RERE: variants seen among roughly 807,000 people sequenced by gnomAD.
The protein encoded by RERE is arginine-glutamic acid dipeptide repeats protein.
In RERE, 40 loss-of-function variants were observed where a neutral mutation model predicts 146.1. The ratio of observed to expected loss-of-function variants is 0.27; its 90% confidence interval spans 0.21 to 0.36. The LOEUF is 0.36. Among genes scored for constraint, RERE ranks in the 10% least tolerant of loss-of-function variants. The pLI is 1.00. For missense variants in RERE, 1,933 were observed against 2,138.7 expected, an observed-to-expected ratio of 0.90 and a Z score of 1.90; for synonymous variants, 1,003 against 866.0, an observed-to-expected ratio of 1.16 and a Z score of -2.78.
chr1:8,617,886 TTTAAAAGAAATAAAGTTTTA>T (rs1245246947), intron 3 of RERE, among the ~76,000 whole-genome samples: 1 of 152,246 alleles, frequency 6.6e-6, no homozygotes, highest in East Asian at 1.9e-4. Flanking sequence ...CTTCAAGTAT[TTTAAAAGAAATAAAGTTTTA>T]TTATTTCTAT....
At chr1:8,616,881 G>C (rs1646858027) in intron 3 of RERE, among the ~76,000 whole-genome samples, 1 of 152,164 alleles carries the variant, frequency 6.6e-6, no homozygotes, top group South Asian at 2.1e-4. Flanking sequence ...GCCTCATTTT[G>C]ATTTCCACTT....
In RERE at chr1:8,809,157, A is replaced by AAAAAAT. The variant is rs985140466; in HGVS notation, c.-145+8002_-145+8003insATTTTT. On this transcript the variant is annotated intron_variant, in intron 1 of 22. Coordinates refer to ENST00000400908, the MANE Select transcript of RERE (RefSeq NM_001042681.2). ...TGTCTTAAAAAAAAAAAAAAAAAAA[A>AAAAAAT]AAAGTACTGAGGGAGAGGTTAATGG... 1.2e-4 allele frequency among the ~76,000 whole-genome samples: 17 copies of AAAAAAT among 146,204 alleles called. 1 individual carries two copies. The highest frequency in any genetic ancestry group is 4.7e-4 in the African/African-American group (17 of 36,434).
intron 1 of RERE, among the ~76,000 whole-genome samples, chr1:8,723,553 T>C (rs1348292999): frequency 6.6e-6 from 1 of 152,174 alleles, no homozygotes; most frequent in African/African-American, 2.4e-5. Flanking sequence ...CCTAGTAAGT[T>C]TGAGTTCTAT....
chr1:8,765,927 G>C (rs1640837164), intron 1 of RERE, among the ~76,000 whole-genome samples: 1 of 151,996 alleles, frequency 6.6e-6, no homozygotes, highest in African/African-American at 2.4e-5. Flanking sequence ...ACTCCAGCCT[G>C]GCGACAGAGC....
At chr1:8,786,961 C>CT (rs1485380341) in intron 1 of RERE, 6 of 650,912 alleles carry the variant, frequency 9.2e-6, no homozygotes, top group Non-Finnish European at 1.6e-5. Context: ...AGATCGCAGT[C>CT]TAACTTTCAC....
chr1:8,368,553 CGGGAGA>C (rs1397690531), intron 12 of RERE, among the ~76,000 whole-genome samples: 1 of 148,478 alleles, frequency 6.7e-6, no homozygotes, highest in African/African-American at 2.5e-5. Context: ...GGACCAAAAA[CGGGAGA>C]GAAAAATCGA....
rs1641417410 is a variant in RERE, at chr1:8,358,775, G to A, written c.3760C>T (p.Arg1254Trp). 1 of 1,612,822 alleles carries A rather than the reference G, an allele frequency of 6.2e-7. No individual in the cohort carries two copies. The highest frequency in any genetic ancestry group is 8.5e-7 in the Non-Finnish European group (1 of 1,179,364). Residue 1254 changes from arginine to tryptophan, a missense_variant, in exon 20 of 23, where the codon CGG becomes TGG. By Grantham distance (101) the Arg-to-Trp change is moderately radical. Around this residue, in one of 11 missense-constraint regions of RERE, gnomAD observed 1,255 missense variants for 1,153.8 expected, o/e 1.09. Transcript: ENST00000400908. ...GGCCGGGCGTACTCGCTCAGAGTCC[G>A]AAGGGCAGGTGTGTCGGGCCCGATG... is the stretch of plus-strand genomic sequence containing the variant. ...PYIGPDTPAL[R>W]TLSEYARPHV...
chr1:8,777,075 A>G (rs1269970291), intron 1 of RERE, among the ~76,000 whole-genome samples: 1 of 152,224 alleles, frequency 6.6e-6, no homozygotes, highest in Non-Finnish European at 1.5e-5. Flanking sequence ...ACAGTATCAA[A>G]GTCAAAAATT....
Position 8,360,373 on chromosome 1 carries a change from G to T in RERE, c.3134C>A (p.Pro1045His). 2.1e-6 allele frequency: 3 copies of T among 1,457,742 alleles called. No individual in the cohort carries two copies. The highest frequency in any genetic ancestry group is 1.5e-5 in the African/African-American group (1 of 68,664). 90.3% of individuals were successfully genotyped at this position (1,457,742 alleles called of 1,614,324 possible). Residue 1045 changes from proline (P) to histidine (H), a missense_variant, in exon 18 of 23, where the codon CCT (proline) becomes CAT (histidine). This residue lies in a region of RERE where 1,255 missense variants were observed against 1,153.8 expected (regional missense o/e 1.09). Transcript: ENST00000400908. ...GGGGCAGGTCGGAGGGGTGATGGGA[G>T]GAGGGCCTCCAGGGACAAAGGGGTG... ...AQHPFVPGGP[P>H]PITPPTCPST...
chr1:8,701,368 C>G (rs1352820257), intron 1 of RERE, among the ~76,000 whole-genome samples: 2 of 151,484 alleles, frequency 1.3e-5, no homozygotes, highest in Non-Finnish European at 2.9e-5. Flanking sequence ...CAAAAATAAT[C>G]ACAACCATGT....
chr1:8,673,431 G>C (rs1278196029), intron 1 of RERE, among the ~76,000 whole-genome samples: 2 of 152,060 alleles, frequency 1.3e-5, no homozygotes, highest in African/African-American at 4.8e-5. Flanking sequence ...TCTCAAGGAT[G>C]ATATAATGAC....
chr1:8,660,560 T>A (rs1048787056), intron 1 of RERE, among the ~76,000 whole-genome samples: 4 of 152,198 alleles, frequency 2.6e-5, no homozygotes, highest in Non-Finnish European at 4.4e-5. Flanking sequence ...GGGCACGAAG[T>A]AGGATTCCAG....
intron 1 of RERE, among the ~76,000 whole-genome samples, chr1:8,685,561 A>AAC (rs1335087407): frequency 6.6e-6 from 1 of 152,096 alleles, no homozygotes; most frequent in Non-Finnish European, 1.5e-5. Context: ...CTCTACTAAA[A>AAC]ACACACACAC....
chr1:8,541,445 A>G (rs941689073), intron 6 of RERE, 127 bp from the exon 7 acceptor site: 17 of 590,062 alleles, frequency 2.9e-5, no homozygotes, highest in African/African-American at 1.9e-5. Flanking sequence ...TACAAACACC[A>G]CACTTTATTT....
intron 1 of RERE, among the ~76,000 whole-genome samples, chr1:8,712,318 A>C (rs1264803594): frequency 6.6e-6 from 1 of 152,246 alleles, no homozygotes; most frequent in Non-Finnish European, 1.5e-5. Context: ...GGGCTGCAGG[A>C]AACAACAACT....
intron 6 of RERE, among the ~76,000 whole-genome samples, chr1:8,549,361 C>A (rs1645906900): frequency 6.6e-6 from 1 of 152,056 alleles, no homozygotes; most frequent in Admixed American, 6.6e-5. Context: ...CTCCTAATGG[C>A]CAAAGCTGGG....
chr1:8,656,309 T>C lies in RERE; in HGVS notation c.-12A>G. ...TTGTCCGCTGTCATGATTCGCCACG[T>C]GCCTTCTTCTGTCCTCTCACGGCTA... On this transcript the variant is annotated 5_prime_UTR_variant, in exon 2 of 23. Transcript: ENST00000400908. The C allele has an allele frequency of 6.2e-7, 1 of 1,610,632 alleles. No individual in the cohort carries two copies. Among genetic ancestry groups the C allele is most frequent in the Non-Finnish European group, 8.5e-7 (1 of 1,178,268 alleles).
At chr1:8,459,409 G>T (rs1187942956) in intron 11 of RERE, among the ~76,000 whole-genome samples, 1 of 152,156 alleles carries the variant, frequency 6.6e-6, no homozygotes, top group Non-Finnish European at 1.5e-5. Context: ...ACTGGAGGAA[G>T]GGTGGTTAGT....
chr1:8,660,221 TC>T (rs767057712), intron 1 of RERE, among the ~76,000 whole-genome samples: 2 of 152,182 alleles, frequency 1.3e-5, no homozygotes, highest in Non-Finnish European at 2.9e-5. Flanking sequence ...TATATTTTTT[TC>T]CTCTATGTTT....
Sources: gnomAD v4.1 joint callset for allele counts (sites outside exome capture counted in the v4.1 genomes callset) on GRCh38, gnomAD v4.1.1 for gene constraint, gnomAD v4.1.1 regional missense constraint, MANE v1.5 for transcripts, NCBI Gene and HGNC (gene_info 2026-07-23, HGNC 2026-07-21) for gene names.